The following TDRD1 variants were observed in gnomAD, a reference collection of about 807,000 sequenced individuals.
The protein encoded by TDRD1 is tudor domain-containing protein 1.
Under a neutral mutation model 140.6 loss-of-function variants are expected in TDRD1, and 37 were observed. The observed-to-expected ratio is 0.26, with a 90% confidence interval of 0.20 to 0.35. The LOEUF (loss-of-function observed/expected upper bound fraction) is 0.35, where lower values mean the gene tolerates loss of function less well. Ranked by LOEUF, TDRD1 falls within the 10% of genes least tolerant of loss-of-function variation. TDRD1 has a pLI of 1.00. For synonymous variants in TDRD1, 506 were observed against 475.7 expected (o/e 1.06, Z -0.83); for missense variants, 1,243 against 1,393.0 (o/e 0.89, Z 1.71).
intron 2 of TDRD1, among the ~76,000 whole-genome samples, chr10:114,188,843 G>A (rs563536959): frequency 5.2e-5 from 7 of 135,156 alleles, no homozygotes; most frequent in East Asian, 2.4e-4. Context: ...GTGACAGAGC[G>A]ATACTCTGTC....
At chr10:114,188,112 GAGA>G in exon 2 of TDRD1, 1 of 1,608,368 alleles carries the variant, frequency 6.2e-7, no homozygotes, top group Non-Finnish European at 8.5e-7. Flanking sequence ...GGCATCAACG[GAGA>G]AGTAGTTGGC....
chr10:114,227,400 C>T (rs1372763754), intron 23 of TDRD1, 101 bp downstream of exon 23: 10 of 845,704 alleles, frequency 1.2e-5, no homozygotes, highest in Non-Finnish European at 1.9e-5. Context: ...ATGCCATACT[C>T]TCTCCTCCTC....
intron 2 of TDRD1, 50 bp downstream of exon 2, chr10:114,188,206 G>C: frequency 6.7e-7 from 1 of 1,496,376 alleles, no homozygotes; most frequent in South Asian, 1.3e-5. Flanking sequence ...TGGTTTCTGT[G>C]ACTTACCAGA....
chr10:114,219,696 TC>T (rs1427456698), intron 18 of TDRD1, among the ~76,000 whole-genome samples: 2 of 151,936 alleles, frequency 1.3e-5, no homozygotes, highest in Admixed American at 6.6e-5. Flanking sequence ...CAAGCGATTC[TC>T]CTACCTCATC....
At chr10:114,202,329 T>TA (rs1404353498) in intron 6 of TDRD1, 31 bp downstream of exon 6, 12 of 1,415,766 alleles carry the variant, frequency 8.5e-6, no homozygotes, top group Non-Finnish European at 1.2e-5. Flanking sequence ...AAATTTTGAA[T>TA]AACTCCTCTT....
chr10:114,199,010 C>T (rs191292515), intron 3 of TDRD1, among the ~76,000 whole-genome samples, 163 bp from the exon 4 acceptor site: 3 of 152,226 alleles, frequency 2.0e-5, no homozygotes, highest in Admixed American at 6.5e-5. Context: ...TTTGAGTCAC[C>T]GTATGTTTGT....
At chr10:114,222,674 T>C (rs1340974118) in exon 21 of TDRD1, 1 of 1,610,112 alleles carries the variant, frequency 6.2e-7, no homozygotes, top group Non-Finnish European at 8.5e-7. Context: ...AGACCAAGAA[T>C]TGGAGACGCA....
At chr10:114,187,947 A>C in exon 2 of TDRD1, 1 of 1,614,140 alleles carries the variant, frequency 6.2e-7, no homozygotes. Context: ...CCACCACATG[A>C]GTCTTTAAGA....
chr10:114,193,889 T>C (rs545999266), intron 3 of TDRD1, among the ~76,000 whole-genome samples: 188 of 152,338 alleles, frequency 1.2e-3, no homozygotes, highest in Non-Finnish European at 2.4e-3. Context: ...AGTCCTACTT[T>C]TCTGATCCTT....
intron 20 of TDRD1, 25 bp from the exon 21 acceptor site, chr10:114,222,562 A>T (rs775995440): frequency 7.4e-6 from 11 of 1,487,934 alleles, no homozygotes; most frequent in Non-Finnish European, 1.0e-5. Context: ...TTTTCTTCAC[A>T]AAAGATTGCT....
exon 14 of TDRD1, chr10:114,211,964 T>C (rs1188048509): frequency 5.0e-6 from 8 of 1,613,080 alleles, no homozygotes; most frequent in Non-Finnish European, 6.8e-6. Context: ...AATCCTTAGT[T>C]TGATGAGACT....
At chr10:114,201,339 A>G in intron 4 of TDRD1, 71 bp from the exon 5 acceptor site, 1 of 1,241,574 alleles carries the variant, frequency 8.1e-7, no homozygotes, top group Non-Finnish European at 1.2e-6. Context: ...ATAGAATGAT[A>G]TTTGCTAAAG....
chr10:114,222,620 A>G lies in TDRD1; in HGVS notation c.2924A>G (p.Glu975Gly), dbSNP rs1213488144. 1 of 1,612,222 alleles carries G rather than the reference A, an allele frequency of 6.2e-7. No homozygotes were observed. Among genetic ancestry groups the G allele is most frequent in the Non-Finnish European group, 8.5e-7 (1 of 1,179,170 alleles). The change falls in exon 21 of 26, where the codon GAA (glutamate) becomes GGA (glycine). Residue 975 changes from glutamate to glycine, a missense_variant. Around this residue, in one of 5 missense-constraint regions of TDRD1, gnomAD observed 601 missense variants for 734.7 expected, o/e 0.82. Transcript: ENST00000251864. ...GAAAAGCTGTGCATGTTGACAGCTGAATTATTAGAATACTGCAATGCTCCG... is the reference window on the plus strand; with the variant it reads ...GAAAAGCTGTGCATGTTGACAGCTGGATTATTAGAATACTGCAATGCTCCG...
chr10:114,176,276 A>C (rs2032694958), upstream of TDRD1, among the ~76,000 whole-genome samples: 1 of 151,570 alleles, frequency 6.6e-6, no homozygotes, highest in African/African-American at 2.4e-5. The surrounding 1 kb of genome is among the most constrained non-coding windows in gnomAD (Gnocchi z 4.2). Context: ...GGATGCAATC[A>C]ACAAAATTGA....
intron 25 of TDRD1, chr10:114,228,226 G>A (rs1460824129): frequency 4.6e-5 from 67 of 1,455,978 alleles, no homozygotes; most frequent in Non-Finnish European, 5.9e-5. Context: ...GAAACCTATT[G>A]TAAGGCTGTA....
chr10:114,182,076 A>G (rs1407853046), intron 1 of TDRD1, among the ~76,000 whole-genome samples: 1 of 152,216 alleles, frequency 6.6e-6, no homozygotes, highest in African/African-American at 2.4e-5. Context: ...AAGTTAATGC[A>G]TAAATGGTAG....
intron 12 of TDRD1, 27 bp downstream of exon 12, chr10:114,210,775 A>G (rs369794993): frequency 6.8e-6 from 11 of 1,610,148 alleles, no homozygotes; most frequent in Admixed American, 3.3e-5. Context: ...GATTTGCTCT[A>G]TGAAGCTAAA....
chr10:114,226,907 G>A (rs1318230202), intron 22 of TDRD1, among the ~76,000 whole-genome samples, 165 bp from the exon 23 acceptor site: 4 of 152,194 alleles, frequency 2.6e-5, no homozygotes, highest in African/African-American at 9.7e-5. Flanking sequence ...CAATCAATAT[G>A]TATTGAATAA....
chr10:114,225,789 G>A (rs1368758490), intron 21 of TDRD1, among the ~76,000 whole-genome samples: 1 of 151,796 alleles, frequency 6.6e-6, no homozygotes, highest in African/African-American at 2.4e-5. Flanking sequence ...TCTGGGAGGT[G>A]GAGGTTGCAG....
Sources: allele counts gnomAD v4.1 joint callset (sites outside exome capture counted in the v4.1 genomes callset), GRCh38; gene constraint gnomAD v4.1.1; regional missense constraint gnomAD v4.1.1; non-coding constraint Gnocchi (gnomAD v3.1); transcripts MANE v1.5; gene names NCBI Gene and HGNC (gene_info 2026-07-23, HGNC 2026-07-21).